Variants in RANBP17 observed in about 807,000 individuals in gnomAD.
RANBP17 encodes the protein RAN binding protein 17.
Under a neutral mutation model 141.2 loss-of-function variants are expected in RANBP17, and 158 were observed. The ratio of observed to expected loss-of-function variants is 1.12; its 90% confidence interval spans 0.98 to 1.28. The LOEUF (loss-of-function observed/expected upper bound fraction) is 1.28, where lower values mean the gene tolerates loss of function less well. Among genes scored for constraint, RANBP17 ranks in the 50% most tolerant of loss-of-function variants. The pLI is 0.00. For synonymous variants in RANBP17, 430 were observed against 450.0 expected, an observed-to-expected ratio of 0.96 and a Z score of 0.56; for missense variants, 1,438 against 1,290.7, an observed-to-expected ratio of 1.11 and a Z score of -1.75.
intron 14 of RANBP17, among the ~76,000 whole-genome samples, chr5:171,062,024 C>G (rs898356741): frequency 6.6e-6 from 1 of 151,616 alleles, no homozygotes; most frequent in Non-Finnish European, 1.5e-5. Context: ...AGATCTTCCT[C>G]CATCCTTTTA....
intron 27 of RANBP17, among the ~76,000 whole-genome samples, chr5:171,297,311 C>T (rs1318684861): frequency 6.6e-6 from 1 of 152,160 alleles, no homozygotes; most frequent in Non-Finnish European, 1.5e-5. Flanking sequence ...TTTAAGGTTC[C>T]TCCCCCTCAT....
At chr5:171,125,296 C>CAAAAA (rs3083436) in intron 14 of RANBP17, among the ~76,000 whole-genome samples, 22 of 85,780 alleles carry the variant, frequency 2.6e-4, no homozygotes, top group East Asian at 3.6e-4. Context: ...GACTATGTAT[C>CAAAAA]AAAAAAAAAA....
At chr5:171,044,311 GCTTTT>G (rs1782434326) in intron 14 of RANBP17, among the ~76,000 whole-genome samples, 1 of 151,644 alleles carries the variant, frequency 6.6e-6, no homozygotes, top group Non-Finnish European at 1.5e-5. Context: ...TTTTCACAAG[GCTTTT>G]CTTAAAATGA....
intron 14 of RANBP17, among the ~76,000 whole-genome samples, chr5:170,993,313 A>G (rs569157795): frequency 4.6e-5 from 7 of 152,240 alleles, no homozygotes; most frequent in African/African-American, 1.7e-4. Context: ...AACTGCAATC[A>G]GACCAATGCC....
At chr5:170,880,920 G>A (rs1039021838) in intron 2 of RANBP17, among the ~76,000 whole-genome samples, 3 of 152,116 alleles carry the variant, frequency 2.0e-5, no homozygotes, top group Non-Finnish European at 2.9e-5. Context: ...TTTATGATAC[G>A]CTGAGCAGCA....
In RANBP17 at chr5:170,943,690, C is replaced by A. The variant is rs371163739; in HGVS notation, c.1469-9907C>A. Among the ~76,000 whole-genome samples, 133 of 151,882 alleles carry A rather than the reference C, an allele frequency of 8.8e-4. 2 individuals carry two copies. The South Asian group carries it at 0.027, about 30-fold the overall frequency. ...TGTAGCAGATTTTTTTCTCTAAATG[C>A]AATTTAGATACGTGTATTTACATGG... On this transcript the variant is annotated intron_variant, in intron 12 of 27. Transcript: ENST00000523189.
chr5:171,271,867 A>G (rs1684564195), intron 25 of RANBP17, among the ~76,000 whole-genome samples: 1 of 152,252 alleles, frequency 6.6e-6, no homozygotes, highest in Non-Finnish European at 1.5e-5. Context: ...TATATTATGC[A>G]TATACATAGT....
intron 24 of RANBP17, among the ~76,000 whole-genome samples, chr5:171,244,118 A>G (rs1474462608): frequency 6.6e-6 from 1 of 151,430 alleles, no homozygotes; most frequent in Non-Finnish European, 1.5e-5. Flanking sequence ...TTAGCTGGGC[A>G]CGGTGGCTCA....
intron 14 of RANBP17, among the ~76,000 whole-genome samples, chr5:171,076,022 G>A (rs1784898725): frequency 1.3e-5 from 2 of 152,140 alleles, no homozygotes; most frequent in African/African-American, 2.4e-5. Flanking sequence ...ATCTCAATAA[G>A]TTGTTAAAAA....
rs536703550 is a variant in RANBP17 at position 170,928,500 on chromosome 5, C to G, written c.1468+3950C>G. Among the ~76,000 whole-genome samples the G allele has an allele frequency of 2.6e-5, 4 of 152,022 alleles. No individual in the cohort carries two copies. The East Asian group carries it at 7.8e-4, about 30-fold the overall frequency. ...TGAGGCCTGTGATCCATTTGGTGTT[C>G]ATTTTTGTGAATGTTGTGAGTTAAG... On this transcript the variant is annotated intron_variant, in intron 12 of 27. Coordinates refer to ENST00000523189, the MANE Select transcript of RANBP17 (RefSeq NM_022897.5).
chr5:170,985,008 GAC>G (rs965345389), intron 14 of RANBP17, among the ~76,000 whole-genome samples: 1 of 149,486 alleles, frequency 6.7e-6, no homozygotes, highest in African/African-American at 2.5e-5. Context: ...CAGACACACA[GAC>G]ACATACACAT....
chr5:171,256,622 A>C (rs1765912370), intron 24 of RANBP17, among the ~76,000 whole-genome samples: 2 of 152,196 alleles, frequency 1.3e-5, no homozygotes, highest in Admixed American at 1.3e-4. Context: ...GGATCAACAA[A>C]ACAAAAAGTT....
At chr5:171,214,589 C>CAGTG (rs1763102176) in intron 21 of RANBP17, among the ~76,000 whole-genome samples, 1 of 152,058 alleles carries the variant, frequency 6.6e-6, no homozygotes, top group Non-Finnish European at 1.5e-5. Context: ...GAGTTTTTCA[C>CAGTG]AGCAATAATT....
At chr5:170,872,335 A>G (rs1032352694) in intron 1 of RANBP17, among the ~76,000 whole-genome samples, 2 of 152,020 alleles carry the variant, frequency 1.3e-5, no homozygotes, top group African/African-American at 4.8e-5. Flanking sequence ...GGTGTATAGG[A>G]ATGCTTGTGA....
At chr5:171,104,196 C>T (rs1046590397) in intron 14 of RANBP17, among the ~76,000 whole-genome samples, 1 of 152,106 alleles carries the variant, frequency 6.6e-6, no homozygotes, top group South Asian at 2.1e-4. Context: ...CACCACCAGG[C>T]CCGGCTAATT....
At chr5:170,897,076 A>G in intron 5 of RANBP17, 1 of 839,226 alleles carries the variant, frequency 1.2e-6, no homozygotes, top group Non-Finnish European at 2.0e-6. Context: ...AAATGTGGAT[A>G]CCAGCTGTCT....
intron 14 of RANBP17, among the ~76,000 whole-genome samples, chr5:171,127,687 T>C (rs959865625): frequency 1.3e-5 from 2 of 152,282 alleles, no homozygotes; most frequent in African/African-American, 4.8e-5. Context: ...GAATGGTTAT[T>C]ATCAAAAAGA....
chr5:171,282,840 GTGGA>G (rs1366952222), intron 25 of RANBP17, among the ~76,000 whole-genome samples: 7 of 152,074 alleles, frequency 4.6e-5, no homozygotes, highest in African/African-American at 1.7e-4. Context: ...CTCAGACCCT[GTGGA>G]GAATGGTTAA....
intron 14 of RANBP17, among the ~76,000 whole-genome samples, chr5:171,168,584 C>T (rs1212076493): frequency 1.3e-5 from 2 of 152,086 alleles, no homozygotes; most frequent in Non-Finnish European, 2.9e-5. Context: ...CATTAGAGCC[C>T]TCTTTGTGCT....
Sources: allele counts gnomAD v4.1 joint callset (sites outside exome capture counted in the v4.1 genomes callset), GRCh38; gene constraint gnomAD v4.1.1; transcripts MANE v1.5; gene names NCBI Gene and HGNC (gene_info 2026-07-23, HGNC 2026-07-21).